Variants in CAMK2G observed in about 807,000 individuals in gnomAD.
The protein encoded by CAMK2G is calcium/calmodulin dependent protein kinase II gamma.
A neutral mutation model predicts 88.7 loss-of-function variants in CAMK2G; 23 were observed. The ratio of observed to expected loss-of-function variants is 0.26; its 90% CI spans 0.19 to 0.37. The LOEUF (loss-of-function observed/expected upper bound fraction) is 0.37. Among genes scored for constraint, CAMK2G ranks in the 10% least tolerant of loss-of-function variants. CAMK2G has a pLI of 1.00. For missense variants in CAMK2G, 476 were observed against 780.8 expected, an observed-to-expected ratio of 0.61 and a Z score of 4.65; for synonymous variants, 263 against 294.8, an observed-to-expected ratio of 0.89 and a Z score of 1.11.
Position 73,821,234 on chromosome 10 carries a change from T to C in CAMK2G, c.1249+448A>G, listed in dbSNP as rs549180603. On this transcript the variant is annotated intron_variant, in intron 18 of 22. Transcript: ENST00000423381. ...CTGGCCCTCCCAAAGTTCTGGGTAT[T>C]ACAGGTGTGAGCCAGCACTCCTGGC... Among the ~76,000 whole-genome samples the C allele has an allele frequency of 2.6e-5, 4 of 152,262 alleles. No homozygotes were observed. In the South Asian group the frequency reaches 8.3e-4, roughly 32 times the overall value.
At chr10:73,841,986 C>A in intron 12 of CAMK2G, 183 bp downstream of exon 12, 1 of 630,056 alleles carries the variant, frequency 1.6e-6, no homozygotes, top group Non-Finnish European at 2.8e-6. Flanking sequence ...GTGAGTCCAG[C>A]CCCCTGAATC....
intron 5 of CAMK2G, among the ~76,000 whole-genome samples, chr10:73,850,790 G>C (rs2094558030): frequency 6.6e-6 from 1 of 150,916 alleles, no homozygotes; most frequent in South Asian, 2.1e-4. Flanking sequence ...CTGAAACTCG[G>C]GCCTCCCCAT....
chr10:73,821,576 G>A (rs2133391882), intron 18 of CAMK2G, 106 bp downstream of exon 18: 2 of 834,184 alleles, frequency 2.4e-6, no homozygotes, highest in South Asian at 1.4e-5. Flanking sequence ...AGGGGCATAG[G>A]AGCCAGCATT....
intron 1 of CAMK2G, chr10:73,873,624 AAG>A (rs2095931247): frequency 3.0e-6 from 2 of 661,680 alleles, no homozygotes; most frequent in South Asian, 6.7e-5. Context: ...ACAGCAAGGG[AAG>A]AGAGGACACA....
Position 73,819,596 on chromosome 10 carries a change from G to GCT in CAMK2G, c.1297_1298dup (p.Ser433ArgfsTer36). The GCT allele has an allele frequency of 1.9e-6, 3 of 1,548,068 alleles. No homozygotes were observed. The highest frequency in any genetic ancestry group is 2.6e-6 in the Non-Finnish European group (3 of 1,146,906). On this transcript the variant is annotated frameshift_variant, in exon 19 of 23. Coordinates refer to ENST00000423381, the MANE Select transcript of CAMK2G (RefSeq NM_001367534.1). LOFTEE classifies it high-confidence loss of function. ...CAGAGGGGGCTGTTCTGTCCCGGGA[G>GCT]CTCCGTCCTTCAGGCACCGAGCTGC...
chr10:73,830,926 G>A (rs2092325686), intron 14 of CAMK2G, among the ~76,000 whole-genome samples: 1 of 152,212 alleles, frequency 6.6e-6, no homozygotes, highest in African/African-American at 2.4e-5. Context: ...TGAGGAAGGG[G>A]GAGTTGGGAA....
chr10:73,845,341 G>T (rs1019994412), intron 10 of CAMK2G, among the ~76,000 whole-genome samples: 1 of 152,072 alleles, frequency 6.6e-6, no homozygotes, highest in Admixed American at 6.5e-5. Flanking sequence ...TCAGCACTTT[G>T]GGAAGCCGAG....
chr10:73,869,717 CT>C (rs750118079), intron 2 of CAMK2G, among the ~76,000 whole-genome samples: 14 of 152,232 alleles, frequency 9.2e-5, no homozygotes, highest in Non-Finnish European at 1.6e-4. Context: ...AAGAGGAAAG[CT>C]TTTGCTTACA....
rs1206103535 is a variant in CAMK2G, at chr10:73,814,265, T to C, written c.*253A>G. The C allele has an allele frequency of 6.6e-6, 1 of 152,048 alleles. No individual in the cohort carries two copies. Among genetic ancestry groups the C allele is most frequent in the African/African-American group, 2.4e-5 (1 of 41,396 alleles). 9.4% of individuals were successfully genotyped at this position (152,048 alleles called of 1,614,324 possible). A position where few individuals can be genotyped will look rare whatever the true frequency, so the allele number is the denominator to read the frequency against. On this transcript the variant is annotated 3_prime_UTR_variant, in exon 23 of 23. Transcript: ENST00000423381. The stretch of plus-strand genomic sequence containing the variant: ...AACGCATCATGGTATGGATTCCTTT[T>C]TTTTTTAAACAATCTTTTTTTCTTT...
chr10:73,832,635 C>G (rs1360595342), intron 14 of CAMK2G, among the ~76,000 whole-genome samples: 1 of 152,138 alleles, frequency 6.6e-6, no homozygotes, highest in Non-Finnish European at 1.5e-5. Context: ...CCACTTCCTT[C>G]ACTTAATATA....
intron 3 of CAMK2G, among the ~76,000 whole-genome samples, chr10:73,858,937 G>A (rs1323297668): frequency 1.3e-5 from 2 of 152,214 alleles, no homozygotes; most frequent in African/African-American, 4.8e-5. Context: ...TGGTCAACCC[G>A]CCCGCATCGC....
chr10:73,860,918 C>G, intron 2 of CAMK2G, 29 bp from the exon 3 acceptor site: 2 of 1,551,238 alleles, frequency 1.3e-6, no homozygotes, highest in East Asian at 2.2e-5. Context: ...AAACAAAAGC[C>G]ATCAACCATC....
rs181095096 is a variant in CAMK2G at position 73,814,071 on chromosome 10, G to A, written c.*447C>T. 5.9e-5 allele frequency: 9 copies of A among 152,226 alleles called. No homozygotes were observed. Among genetic ancestry groups the A allele is most frequent in the African/African-American group, 2.2e-4 (9 of 41,514 alleles). 9.4% of individuals were successfully genotyped at this position (152,226 alleles called of 1,614,324 possible). On this transcript the variant is annotated 3_prime_UTR_variant, in exon 23 of 23. Coordinates refer to ENST00000423381, the MANE Select transcript of CAMK2G (RefSeq NM_001367534.1). Reference sequence around the variant, plus strand: ...ACCTCAGGAGCTGCAATCACATCACGGCCCCCAAAGCTCTGTCAGAGTTCT... The same window carrying A: ...ACCTCAGGAGCTGCAATCACATCACAGCCCCCAAAGCTCTGTCAGAGTTCT...
At chr10:73,818,354 A>C in intron 19 of CAMK2G, 2 of 247,220 alleles carry the variant, frequency 8.1e-6, no homozygotes, top group Admixed American at 4.5e-5. Context: ...TCCAAAGCCA[A>C]GGGACAGCTG....
chr10:73,853,642 G>A (rs2094809629), intron 3 of CAMK2G, among the ~76,000 whole-genome samples: 1 of 152,230 alleles, frequency 6.6e-6, no homozygotes. Flanking sequence ...GGGAAAGCCA[G>A]AGAGCTCTTC....
intron 14 of CAMK2G, among the ~76,000 whole-genome samples, chr10:73,829,853 G>A (rs536161726): frequency 3.9e-5 from 6 of 152,010 alleles, no homozygotes; most frequent in South Asian, 2.1e-4. Flanking sequence ...GCATACAGGC[G>A]ACGAAAGTTT....
intron 14 of CAMK2G, among the ~76,000 whole-genome samples, chr10:73,828,913 C>T (rs941238582): frequency 3.3e-5 from 5 of 152,140 alleles, no homozygotes; most frequent in Admixed American, 6.5e-5. Flanking sequence ...ATGAAGACCA[C>T]GTGGAACACT....
At position 73,848,958 on chromosome 10, in the gene CAMK2G, C is replaced by A; in HGVS notation, c.517+55G>T. ...CTAGTTCTAATAGAGGAAGGCAGAT[C>A]AGGAAGAGGAGGAAGGGCGGGGGCT... On this transcript the variant is annotated intron_variant, in intron 7 of 22. Coordinates refer to ENST00000423381, the MANE Select transcript of CAMK2G (RefSeq NM_001367534.1). The surrounding 1 kb of genome is among the most constrained non-coding windows in gnomAD (Gnocchi z 4.5). The A allele has an allele frequency of 9.1e-7, 1 of 1,104,374 alleles. No homozygotes were observed. Among genetic ancestry groups the A allele is most frequent in the Non-Finnish European group, 1.4e-6 (1 of 714,916 alleles). The allele number at this position is 1,104,374 out of a possible 1,614,324, so 68.4% of individuals were successfully genotyped here.
At chr10:73,862,240 C>A (rs905835793) in intron 2 of CAMK2G, among the ~76,000 whole-genome samples, 5 of 151,038 alleles carry the variant, frequency 3.3e-5, no homozygotes, top group African/African-American at 1.2e-4. Context: ...AAAGTCACCT[C>A]CTTCATGAAG....
Sources: allele counts gnomAD v4.1 joint callset (sites outside exome capture counted in the v4.1 genomes callset), GRCh38; gene constraint gnomAD v4.1.1; non-coding constraint Gnocchi (gnomAD v3.1); transcripts MANE v1.5; gene names NCBI Gene and HGNC (gene_info 2026-07-23, HGNC 2026-07-21).